Variants in YIPF6 observed in about 807,000 individuals in gnomAD.
YIPF6 encodes Yip1 domain family member 6.
Under a neutral mutation model 16.8 loss-of-function variants are expected in YIPF6, and 3 were observed. The observed-to-expected ratio is 0.18, with a 90% CI of 0.08 to 0.46. YIPF6 has a LOEUF of 0.46. YIPF6 is among the 20% of genes least tolerant of loss of function. YIPF6 has a pLI of 0.98. For synonymous variants in YIPF6, 67 were observed against 61.9 expected (o/e 1.08, Z -0.38); for missense variants, 145 against 184.9 (o/e 0.78, Z 1.25).
rs767169317 is a variant in YIPF6 at position 68,500,941 on chromosome X, C to T, written c.57+1818C>T. On this transcript the variant is annotated intron_variant, in intron 1 of 6. Coordinates refer to ENST00000462683, the MANE Select transcript of YIPF6 (RefSeq NM_173834.4). ...TAAATGAGATAATATATACATTGTG[C>T]CTACTGTGACATTGTCATAGGTGCT... 3.8e-4 allele frequency among the ~76,000 whole-genome samples: 42 copies of T among 111,798 alleles called. 1 individual carries two copies. In the South Asian group the frequency reaches 0.016, roughly 41 times the overall value.
chrX:68,511,415 C>T (rs188026178), intron 1 of YIPF6, among the ~76,000 whole-genome samples: 16 of 112,187 alleles, frequency 1.4e-4, no homozygotes, highest in East Asian at 1.1e-3. Context: ...CCCTGTTTCC[C>T]GCACTTGCCT....
rs761077634 is a variant in YIPF6, at chrX:68,531,058, A to G, written c.593-823A>G. ...GCAGTTCTCCCACCTCAGCCTCCCG[A>G]GTAGCCGAGATTACAGGCATAAGCT... is the stretch of plus-strand genomic sequence containing the variant. On this transcript the variant is annotated intron_variant, in intron 6 of 6. Transcript: ENST00000462683. 4.5e-5 allele frequency among the ~76,000 whole-genome samples: 5 copies of G among 111,351 alleles called. No homozygotes were observed. In the South Asian group the frequency reaches 1.5e-3, roughly 34 times the overall value.
intron 1 of YIPF6, among the ~76,000 whole-genome samples, chrX:68,504,869 C>G (rs147900937): frequency 2.2e-3 from 245 of 112,243 alleles, no homozygotes; most frequent in African/African-American, 7.5e-3. Flanking sequence ...GGCCTGCACT[C>G]TTAACCAGTA....
intron 6 of YIPF6, among the ~76,000 whole-genome samples, chrX:68,526,549 G>C (rs780929249): frequency 1.8e-5 from 2 of 111,662 alleles, no homozygotes; most frequent in Admixed American, 1.9e-4. Flanking sequence ...CTTGTCTTGT[G>C]CTGGTTTTCA....
Position 68,536,938 on chromosome X carries a change from A to G in YIPF6, c.*4939A>G, listed in dbSNP as rs1453504166. 8.9e-6 allele frequency: 1 copy of G among 112,439 alleles called. No homozygotes were observed. The highest frequency in any genetic ancestry group is 9.5e-5 in the Admixed American group (1 of 10,557). The allele number at this position is 112,439 out of a possible 1,213,427, so 9.3% of individuals were successfully genotyped here. The stretch of plus-strand genomic sequence containing the variant: ...AGTCAAGGGATGCATCTGTTTGCTT[A>G]TAGTACCAGTTATATTCCTAGGACC... On this transcript the variant is annotated 3_prime_UTR_variant, in exon 7 of 7. Coordinates refer to ENST00000462683, the MANE Select transcript of YIPF6 (RefSeq NM_173834.4).
At position 68,534,138 on chromosome X, in the gene YIPF6, G is replaced by A. The variant is rs183897055; in HGVS notation, c.*2139G>A. 8.9e-6 allele frequency: 1 copy of A among 112,061 alleles called. No individual in the cohort carries two copies. The highest frequency in any genetic ancestry group is 3.2e-5 in the African/African-American group (1 of 30,906). 9.2% of individuals were successfully genotyped at this position (112,061 alleles called of 1,213,427 possible). On this transcript the variant is annotated 3_prime_UTR_variant, in exon 7 of 7. Transcript: ENST00000462683. ...ATTTAACCTTCTTTCTGTTTGCCCCGAGAATACTCGCCAGTGGCGCTTGCA... is the reference window on the plus strand; with the variant it reads ...ATTTAACCTTCTTTCTGTTTGCCCCAAGAATACTCGCCAGTGGCGCTTGCA...
chrX:68,508,015 A>AT (rs1196121704), intron 1 of YIPF6, among the ~76,000 whole-genome samples: 9 of 105,223 alleles, frequency 8.6e-5, no homozygotes, highest in Admixed American at 1.0e-4. Context: ...AGGTTTGTGG[A>AT]TTTTTTCATT....
rs765632522 is a variant in YIPF6, at chrX:68,499,134, G to A, written c.57+11G>A. ...TCGCCCAGGCCCCTGGTGAGCTTGGGATCTGCGACAAAAGGGACCGAGGGT... is the reference window on the plus strand; with the variant it reads ...TCGCCCAGGCCCCTGGTGAGCTTGGAATCTGCGACAAAAGGGACCGAGGGT... On this transcript the variant is annotated intron_variant, in intron 1 of 6. Transcript: ENST00000462683. 3.4e-6 allele frequency: 4 copies of A among 1,177,724 alleles called. No individual in the cohort carries two copies. Among genetic ancestry groups the A allele is most frequent in the Non-Finnish European group, 3.4e-6 (3 of 878,425 alleles).
rs1285424547 is a variant in YIPF6, at chrX:68,532,080, C to T, written c.*81C>T. On this transcript the variant is annotated 3_prime_UTR_variant, in exon 7 of 7. Coordinates refer to ENST00000462683, the MANE Select transcript of YIPF6 (RefSeq NM_173834.4). ...TTCACCATGGAGCTTTGTCTCTGGCCCTTATTTGTCTAATTTTGGAGGTAT... is the reference window on the plus strand; with the variant it reads ...TTCACCATGGAGCTTTGTCTCTGGCTCTTATTTGTCTAATTTTGGAGGTAT... The T allele has an allele frequency of 1.5e-5, 11 of 756,554 alleles. No individual in the cohort carries two copies. Among genetic ancestry groups the T allele is most frequent in the East Asian group, 9.8e-5 (3 of 30,491 alleles). 62.3% of individuals were successfully genotyped at this position (756,554 alleles called of 1,213,427 possible).
At chrX:68,512,131 T>A (rs888547504) in intron 2 of YIPF6, among the ~76,000 whole-genome samples, 154 bp downstream of exon 2, 1 of 112,139 alleles carries the variant, frequency 8.9e-6, no homozygotes, top group Non-Finnish European at 1.9e-5. Flanking sequence ...TGGTACAGCC[T>A]TTTTGGAGAG....
At chrX:68,510,611 A>G (rs866352636) in intron 1 of YIPF6, 3 of 99,035 alleles carry the variant, frequency 3.0e-5, no homozygotes, top group African/African-American at 7.9e-5. Flanking sequence ...TTATTTATTT[A>G]TTTGTTTATT....
In YIPF6 at chrX:68,499,073, G is replaced by A. The variant is rs750127325; in HGVS notation, c.7G>A (p.Glu3Lys). The part of the protein sequence containing the change: MA[E>K]AEESPGDPGT... ...CGGGAGAAGGAGGGCCAAGATGGCG[G>A]AAGCGGAGGAGTCTCCAGGAGACCC... is the stretch of plus-strand genomic sequence containing the variant. Residue 3 changes from glutamate (E) to lysine (K), a missense_variant, in exon 1 of 7, where the codon GAA (glutamate) becomes AAA (lysine). By Grantham distance (56) the Glu-to-Lys change is moderately conservative. Transcript: ENST00000462683. The A allele has an allele frequency of 1.4e-5, 17 of 1,188,296 alleles. No homozygotes were observed. Among genetic ancestry groups the A allele is most frequent in the Non-Finnish European group, 1.9e-5 (17 of 883,483 alleles).
Position 68,511,988 on chromosome X carries a change from C to T in YIPF6, c.186+11C>T. The T allele has an allele frequency of 7.5e-6, 9 of 1,200,907 alleles. No individual in the cohort carries two copies. Among genetic ancestry groups the T allele is most frequent in the Non-Finnish European group, 1.0e-5 (9 of 891,181 alleles). On this transcript the variant is annotated intron_variant, in intron 2 of 6. Coordinates refer to ENST00000462683, the MANE Select transcript of YIPF6 (RefSeq NM_173834.4). ...GTTCGCAATACCATCGTAAGTTAGA[C>T]TAGTTGAGAGAACTTCTGTTCAGTA...
In YIPF6 at chrX:68,532,198, C is replaced by T. The variant is rs955335610; in HGVS notation, c.*199C>T. 1.9e-4 allele frequency: 74 copies of T among 382,108 alleles called. No homozygotes were observed. The highest frequency in any genetic ancestry group is 3.3e-4 in the Non-Finnish European group (72 of 221,224). The allele number at this position is 382,108 out of a possible 1,213,427, so 31.5% of individuals were successfully genotyped here. On this transcript the variant is annotated 3_prime_UTR_variant, in exon 7 of 7. Coordinates refer to ENST00000462683, the MANE Select transcript of YIPF6 (RefSeq NM_173834.4). ...CTGATGTTTGAAAGGCTGTTCTTTTCTCTCTTAATGTCATTTCTTTAAAAA... is the reference window on the plus strand; with the variant it reads ...CTGATGTTTGAAAGGCTGTTCTTTTTTCTCTTAATGTCATTTCTTTAAAAA...
intron 6 of YIPF6, among the ~76,000 whole-genome samples, chrX:68,531,554 G>A (rs192624945): frequency 1.1e-3 from 128 of 112,262 alleles, no homozygotes; most frequent in African/African-American, 3.8e-3. Flanking sequence ...GCACGAGGCC[G>A]TTTACCATAG....
chrX:68,525,661 A>G (rs1334596795), intron 6 of YIPF6, among the ~76,000 whole-genome samples: 5 of 111,920 alleles, frequency 4.5e-5, no homozygotes, highest in Non-Finnish European at 9.4e-5. Context: ...TAATTTTTGT[A>G]TAAGGTATAA....
intron 1 of YIPF6, among the ~76,000 whole-genome samples, chrX:68,502,976 T>C (rs146038792): frequency 9.6e-4 from 107 of 110,951 alleles, no homozygotes; most frequent in Middle Eastern, 4.6e-3. Context: ...ATCACAGGCA[T>C]GCACCACCAT....
chrX:68,512,111 G>C, intron 2 of YIPF6, 134 bp downstream of exon 2: 1 of 740,049 alleles, frequency 1.4e-6, no homozygotes. Flanking sequence ...TTTTATCCTA[G>C]AGATTAATTT....
rs2079181215 is a variant in YIPF6, at chrX:68,533,876, C to T, written c.*1877C>T. On this transcript the variant is annotated 3_prime_UTR_variant, in exon 7 of 7. Transcript: ENST00000462683. The stretch of plus-strand genomic sequence containing the variant: ...CTTTCTGCCAAAGTTGTTTCGTAAT[C>T]TGTCTCAATGACTATAATGTAAAAT... The T allele has an allele frequency of 8.9e-6, 1 of 112,302 alleles. No homozygotes were observed. The highest frequency in any genetic ancestry group is 1.9e-5 in the Non-Finnish European group (1 of 53,311). The allele number at this position is 112,302 out of a possible 1,213,427, so 9.3% of individuals were successfully genotyped here.
Sources: gnomAD v4.1 joint callset for allele counts (sites outside exome capture counted in the v4.1 genomes callset) on GRCh38, gnomAD v4.1.1 for gene constraint, MANE v1.5 for transcripts, NCBI Gene and HGNC (gene_info 2026-07-23, HGNC 2026-07-21) for gene names.